The following RPP40 variants were observed in gnomAD, a reference collection of about 807,000 sequenced individuals.
RPP40 encodes the protein ribonuclease P protein subunit p40.
Under a neutral mutation model 42.5 loss-of-function variants are expected in RPP40, and 30 were observed. The observed-to-expected ratio is 0.71, with a 90% CI of 0.53 to 0.96. RPP40 has a LOEUF of 0.96. RPP40 is among the 40% of genes least tolerant of loss of function. The probability of loss-of-function intolerance (pLI) is 0.00; values close to 1 mark genes in which losing one functional copy is unlikely to be tolerated. For missense variants in RPP40, 426 were observed against 433.5 expected, an observed-to-expected ratio of 0.98 and a Z score of 0.15; for synonymous variants, 173 against 164.0, an observed-to-expected ratio of 1.05 and a Z score of -0.42.
chr6:4,989,099 A>T, the RPP40 span, among the ~76,000 whole-genome samples: 1 of 152,184 alleles, frequency 6.6e-6, no homozygotes, highest in African/African-American at 2.4e-5. Flanking sequence ...CCTTTTTCCT[A>T]ATGGTTAATG....
At chr6:4,990,681 A>G (rs936324077), downstream of RPP40, among the ~76,000 whole-genome samples, 2 of 134,096 alleles carry the variant, frequency 1.5e-5, no homozygotes, top group South Asian at 2.3e-4. Context: ...GAATCTCGCT[A>G]TGTTGTCCAG....
downstream of RPP40, among the ~76,000 whole-genome samples, chr6:4,992,318 G>A (rs1460478446): frequency 3.3e-5 from 5 of 150,070 alleles, no homozygotes; most frequent in African/African-American, 4.9e-5. Flanking sequence ...GCAGTGAGCC[G>A]AGATTGCGCC....
rs756366223 is a variant in RPP40 at position 4,999,852 on chromosome 6, C to T, written c.390G>A (p.Gln130=). Residue 130 remains glutamine (Q), a synonymous_variant, in exon 4 of 8, where the codon CAG becomes CAA. Coordinates refer to ENST00000380051, the MANE Select transcript of RPP40 (RefSeq NM_006638.4). ...TGCCAGAAAACTGAGATGGATGACCCTGAAGTCCAGTTTCTTCATAAGTGT... is the reference window on the plus strand; with the variant it reads ...TGCCAGAAAACTGAGATGGATGACCTTGAAGTCCAGTTTCTTCATAAGTGT... ...DKDTYEETGL[Q]GHPSQFSGRK... is the part of the protein sequence containing the mutation. 3 of 1,609,862 alleles carry T rather than the reference C, an allele frequency of 1.9e-6. No individual in the cohort carries two copies. Among genetic ancestry groups the T allele is most frequent in the East Asian group, 2.2e-5 (1 of 44,798 alleles).
Position 4,999,880 on chromosome 6 carries a change from T to C in RPP40, c.362A>G (p.Lys121Arg). 6.2e-7 allele frequency: 1 copy of C among 1,605,674 alleles called. No homozygotes were observed. ...AAGTCCAGTTTCTTCATAAGTGTCT[T>C]TATCCAGTGACAAAATTAATTTCCC... ...PNGKLILSLD[K>R]DTYEETGLQG... The change falls in exon 4 of 8, where the codon AAA (lysine) becomes AGA (arginine). Residue 121 changes from lysine to arginine, a missense_variant. By Grantham distance (26) the Lys-to-Arg change is conservative. Coordinates refer to ENST00000380051, the MANE Select transcript of RPP40 (RefSeq NM_006638.4).
At position 4,995,055 on chromosome 6, in the gene RPP40, A is replaced by C. The variant is rs1290962443; in HGVS notation, c.*23T>G. ...TGAAAGCAAGCGTAAATGTAAGTAA[A>C]CACGATTTTTAATTTTTATTTTTTA... On this transcript the variant is annotated 3_prime_UTR_variant, in exon 8 of 8. Transcript: ENST00000380051. 2 of 1,593,970 alleles carry C rather than the reference A, an allele frequency of 1.3e-6. No individual in the cohort carries two copies. The highest frequency in any genetic ancestry group is 2.2e-5 in the South Asian group (2 of 89,950).
downstream of RPP40, among the ~76,000 whole-genome samples, chr6:4,990,911 T>C (rs531651172): frequency 1.3e-5 from 2 of 152,334 alleles, no homozygotes; most frequent in South Asian, 2.1e-4. Flanking sequence ...GTCAATTTCA[T>C]CTATGTTGAA....
Position 4,998,760 on chromosome 6 carries a change from T to C in RPP40, c.515A>G (p.Lys172Arg), listed in dbSNP as rs779595189. 6.4e-6 allele frequency: 10 copies of C among 1,564,252 alleles called. No individual in the cohort carries two copies. Among genetic ancestry groups the C allele is most frequent in the Middle Eastern group, 3.4e-4 (2 of 5,890 alleles). ...YERISWSFKEKKPLKFDFLLA... is the reference protein window; with the variant it reads ...YERISWSFKERKPLKFDFLLA... The stretch of plus-strand genomic sequence containing the variant: ...AAGAAAATCAAATTTCAATGGCTTC[T>C]TTTCTTTGAAAGACCAAGATATTCT... Residue 172 changes from lysine (K) to arginine (R), a missense_variant, in exon 5 of 8, where the codon AAG (lysine) becomes AGG (arginine). Lys to Arg is a conservative substitution (Grantham distance 26, BLOSUM62 2). Transcript: ENST00000380051.
At chr6:5,000,862 GCATGCAGAAGACAA>G (rs1759532380) in intron 2 of RPP40, among the ~76,000 whole-genome samples, 2 of 123,578 alleles carry the variant, frequency 1.6e-5, no homozygotes, top group South Asian at 2.6e-4. Flanking sequence ...AGAAGACCAA[GCATGCAGAAGACAA>G]AGCTTGCAGA....
intron 7 of RPP40, among the ~76,000 whole-genome samples, chr6:4,995,493 C>G (rs1759345565): frequency 6.6e-6 from 1 of 152,206 alleles, no homozygotes; most frequent in Non-Finnish European, 1.5e-5. Context: ...AAACAAACCT[C>G]AGCTGTTCCC....
chr6:5,003,345 T>TCAC (rs34031203), intron 1 of RPP40, among the ~76,000 whole-genome samples: 2 of 76,556 alleles, frequency 2.6e-5, no homozygotes, highest in South Asian at 1.0e-3. Context: ...AAACTCCGTC[T>TCAC]AAAAAAAAAA....
At chr6:5,000,816 A>G (rs431282) in intron 2 of RPP40, among the ~76,000 whole-genome samples, 185 bp from the exon 3 acceptor site, 1 of 151,940 alleles carries the variant, frequency 6.6e-6, no homozygotes, top group Admixed American at 6.6e-5. Flanking sequence ...AAGACCAAGC[A>G]TGCAGAAGAC....
the RPP40 span, among the ~76,000 whole-genome samples, chr6:4,988,683 G>A: frequency 6.6e-6 from 1 of 152,082 alleles, no homozygotes; most frequent in Non-Finnish European, 1.5e-5. Context: ...TTGTTAAGCA[G>A]TATTTCATGG....
chr6:5,004,009 C>CT lies in RPP40; in HGVS notation c.-8dup. The CT allele has an allele frequency of 6.3e-7, 1 of 1,598,878 alleles. No individual in the cohort carries two copies. The highest frequency in any genetic ancestry group is 8.5e-7 in the Non-Finnish European group (1 of 1,172,600). ...GCCGGCGCAGCGTGGCCATGCTCTC[C>CT]TGGGTTCCTGGTCCTCCCGGCCTCC... On this transcript the variant is annotated 5_prime_UTR_variant, in exon 1 of 8. Coordinates refer to ENST00000380051, the MANE Select transcript of RPP40 (RefSeq NM_006638.4).
downstream of RPP40, among the ~76,000 whole-genome samples, chr6:4,993,038 A>G (rs1581315507): frequency 6.6e-6 from 1 of 152,324 alleles, no homozygotes; most frequent in East Asian, 1.9e-4. Flanking sequence ...TCTTACATAT[A>G]TTATAAATCC....
At chr6:4,999,695 AT>A (rs546744262) in intron 4 of RPP40, 113 bp downstream of exon 4, 51 of 649,040 alleles carry the variant, frequency 7.9e-5, no homozygotes, top group South Asian at 4.0e-5. Context: ...AGTTTGACAG[AT>A]TTTTTTTAAA....
intron 6 of RPP40, 39 bp from the exon 7 acceptor site, chr6:4,996,124 G>A (rs1759371347): frequency 1.2e-6 from 2 of 1,610,014 alleles, no homozygotes; most frequent in Admixed American, 1.7e-5. Context: ...GATAACACAT[G>A]TATATCCATC....
At chr6:5,003,727 T>A (rs559194745) in intron 1 of RPP40, 153 bp downstream of exon 1, 50 of 974,656 alleles carry the variant, frequency 5.1e-5, no homozygotes, top group Non-Finnish European at 6.4e-5. Flanking sequence ...TTAGAGCAGT[T>A]AAGAGACTAC....
Position 5,002,130 on chromosome 6 carries a change from GGT to G in RPP40, c.237_238del (p.Pro80Ter). Reference sequence around the variant, plus strand: ...CTTTATAAAGGTACTGATGAATTCAGGTGTAATTAATTCATGAAGAGGTAAAT... The same window carrying G: ...CTTTATAAAGGTACTGATGAATTCAGGTAATTAATTCATGAAGAGGTAAAT... On this transcript the variant is annotated frameshift_variant, in exon 2 of 8. Transcript: ENST00000380051. LOFTEE classifies it high-confidence loss of function. 1 of 1,611,914 alleles carries G rather than the reference GGT, an allele frequency of 6.2e-7. No homozygotes were observed. Among genetic ancestry groups the G allele is most frequent in the South Asian group, 1.1e-5 (1 of 90,914 alleles).
downstream of RPP40, among the ~76,000 whole-genome samples, chr6:4,993,737 T>C (rs916108782): frequency 3.3e-5 from 5 of 152,164 alleles, no homozygotes; most frequent in Admixed American, 2.6e-4. Context: ...ATAAATCCTG[T>C]GGTTATATAT....
Sources: allele counts gnomAD v4.1 joint callset (sites outside exome capture counted in the v4.1 genomes callset), GRCh38; gene constraint gnomAD v4.1.1; transcripts MANE v1.5; gene names NCBI Gene and HGNC (gene_info 2026-07-23, HGNC 2026-07-21).